The following GALNT8 variants were observed in gnomAD, a reference collection of about 807,000 sequenced individuals.
The protein encoded by GALNT8 is polypeptide N-acetylgalactosaminyltransferase 8, also known as probable polypeptide N-acetylgalactosaminyltransferase 8.
Under a neutral mutation model 62.7 loss-of-function variants are expected in GALNT8, and 66 were observed. The ratio of observed to expected loss-of-function variants is 1.05; its 90% CI spans 0.86 to 1.29. The LOEUF (loss-of-function observed/expected upper bound fraction) is 1.29, where lower values mean the gene tolerates loss of function less well. Among genes scored for constraint, GALNT8 ranks in the 50% most tolerant of loss-of-function variants. GALNT8 has a pLI of 0.00. For missense variants in GALNT8, 771 were observed against 791.8 expected, an observed-to-expected ratio of 0.97 and a Z score of 0.32; for synonymous variants, 288 against 294.3, an observed-to-expected ratio of 0.98 and a Z score of 0.22.
At chr12:4,721,516 CAAGGTAAAGAATTAAGTGCTGTGCTTTAG>C (rs1194253051) in intron 1 of GALNT8, among the ~76,000 whole-genome samples, 1 of 152,138 alleles carries the variant, frequency 6.6e-6, no homozygotes, top group Non-Finnish European at 1.5e-5. Context: ...GCATCATAGA[CAAGGTAAAGAATTAAGTGCTGTGCTTTAG>C]ATATGCATAC....
chr12:4,727,881 G>A (rs753464805), intron 2 of GALNT8, among the ~76,000 whole-genome samples: 4 of 152,118 alleles, frequency 2.6e-5, no homozygotes, highest in Admixed American at 6.5e-5. Flanking sequence ...AGGTGTACCC[G>A]ATGGGTAGAA....
At chr12:4,746,325 C>A in intron 6 of GALNT8, 67 bp downstream of exon 6, 1 of 887,076 alleles carries the variant, frequency 1.1e-6, no homozygotes. Context: ...GTAGTAGGAC[C>A]CCTGGAATCC....
chr12:4,732,295 C>T (rs961040882), intron 2 of GALNT8, among the ~76,000 whole-genome samples: 6 of 152,222 alleles, frequency 3.9e-5, no homozygotes, highest in African/African-American at 1.2e-4. Context: ...GTCCTTAAGC[C>T]ATTGTTCTCT....
At chr12:4,743,786 A>G (rs973542344) in intron 3 of GALNT8, among the ~76,000 whole-genome samples, 7 of 152,224 alleles carry the variant, frequency 4.6e-5, no homozygotes, top group African/African-American at 7.2e-5. Flanking sequence ...AATTTTATCA[A>G]TGAGTAACTC....
intron 4 of GALNT8, among the ~76,000 whole-genome samples, chr12:4,744,990 G>A (rs1482051646): frequency 6.6e-6 from 1 of 152,116 alleles, no homozygotes; most frequent in Non-Finnish European, 1.5e-5. Flanking sequence ...GTAAAGATGA[G>A]GAGATTAGCC....
intron 6 of GALNT8, among the ~76,000 whole-genome samples, chr12:4,758,410 A>G (rs903799970): frequency 5.9e-5 from 9 of 152,060 alleles, no homozygotes; most frequent in African/African-American, 1.7e-4. Flanking sequence ...AGCACCTTGT[A>G]TATTTCACAC....
intron 1 of GALNT8, among the ~76,000 whole-genome samples, chr12:4,725,336 T>C (rs887170585): frequency 1.3e-5 from 2 of 152,196 alleles, no homozygotes; most frequent in South Asian, 2.1e-4. Context: ...TCATGGATCC[T>C]GGAGGGCATC....
At chr12:4,746,106 T>A in intron 5 of GALNT8, 38 bp from the exon 6 acceptor site, 1 of 1,207,124 alleles carries the variant, frequency 8.3e-7, no homozygotes, top group Non-Finnish European at 1.2e-6. Flanking sequence ...CTCCGCTCCT[T>A]ATGGAGAGAT....
intron 6 of GALNT8, among the ~76,000 whole-genome samples, chr12:4,760,712 T>C (rs1451569322): frequency 6.6e-5 from 10 of 152,208 alleles, no homozygotes; most frequent in Middle Eastern, 6.8e-3. Flanking sequence ...TTGGTCCATG[T>C]AGGAGGACTT....
intron 6 of GALNT8, among the ~76,000 whole-genome samples, chr12:4,753,274 A>G (rs148953074): frequency 0.012 from 1,783 of 151,584 alleles, 35 homozygotes; most frequent in African/African-American, 0.04. Flanking sequence ...CTCTTTCTCT[A>G]CCTCCTCTTT....
chr12:4,729,321 A>C (rs1009380034), intron 2 of GALNT8, among the ~76,000 whole-genome samples: 4 of 152,174 alleles, frequency 2.6e-5, no homozygotes, highest in African/African-American at 9.7e-5. Context: ...AGAATACCAC[A>C]TATTGCTATT....
At chr12:4,751,207 A>G (rs1303513321) in intron 6 of GALNT8, among the ~76,000 whole-genome samples, 1 of 152,224 alleles carries the variant, frequency 6.6e-6, no homozygotes, top group Non-Finnish European at 1.5e-5. Context: ...CATTCAGGAC[A>G]TAGGGACAGG....
intron 8 of GALNT8, 55 bp downstream of exon 8, chr12:4,763,445 T>C (rs542964836): frequency 6.9e-7 from 1 of 1,455,916 alleles, no homozygotes; most frequent in African/African-American, 1.4e-5. Context: ...TGAAAGACAA[T>C]GCGGCCTGAA....
chr12:4,736,144 A>C (rs59241983), intron 2 of GALNT8, among the ~76,000 whole-genome samples: 36 of 152,280 alleles, frequency 2.4e-4, no homozygotes, highest in African/African-American at 8.7e-4. Context: ...CCCAGGCTGA[A>C]CCTGCTCAGG....
intron 6 of GALNT8, among the ~76,000 whole-genome samples, chr12:4,759,950 C>G (rs2137540990): frequency 6.6e-6 from 1 of 152,250 alleles, no homozygotes; most frequent in East Asian, 1.9e-4. Context: ...TGTTTTGTAC[C>G]CATCAGGATG....
At chr12:4,742,435 A>G (rs908923449) in intron 3 of GALNT8, among the ~76,000 whole-genome samples, 6 of 152,220 alleles carry the variant, frequency 3.9e-5, no homozygotes, top group African/African-American at 1.4e-4. Flanking sequence ...ATCAACAACT[A>G]CATGTTGAGT....
chr12:4,745,595 A>G lies in GALNT8; in HGVS notation c.1027A>G (p.Ile343Val), dbSNP rs761230355. The change falls in exon 5 of 11, where the codon ATT becomes GTT. Residue 343 changes from isoleucine (I) to valine (V), a missense_variant. Ile to Val is a conservative substitution (Grantham distance 29). Transcript: ENST00000252318. Reference sequence around the variant, plus strand: ...CTACGATGCACTGCCACAAGCCTGGATTGATCTGCATGATGTCACTGCCCC... The same window carrying G: ...CTACGATGCACTGCCACAAGCCTGGGTTGATCTGCATGATGTCACTGCCCC... ...CRYDALPQAW[I>V]DLHDVTAPVK... 74 of 1,613,894 alleles carry G rather than the reference A, an allele frequency of 4.6e-5. No homozygotes were observed. In the Middle Eastern group the frequency reaches 4.9e-4, roughly 11 times the overall value.
intron 10 of GALNT8, among the ~76,000 whole-genome samples, chr12:4,769,201 TGAG>T (rs1192245158): frequency 4.0e-5 from 6 of 151,792 alleles, no homozygotes; most frequent in African/African-American, 1.2e-4. Flanking sequence ...TGAGGAATAG[TGAG>T]GAGGAGGAGA....
At chr12:4,733,109 C>T (rs1477513385) in intron 2 of GALNT8, among the ~76,000 whole-genome samples, 1 of 152,246 alleles carries the variant, frequency 6.6e-6, no homozygotes, top group Non-Finnish European at 1.5e-5. Flanking sequence ...AATATGATAG[C>T]TACTAGTCAC....
Sources: allele counts gnomAD v4.1 joint callset (sites outside exome capture counted in the v4.1 genomes callset), GRCh38; gene constraint gnomAD v4.1.1; transcripts MANE v1.5; gene names NCBI Gene and HGNC (gene_info 2026-07-23, HGNC 2026-07-21).